KIF13A: variants seen among roughly 807,000 people sequenced by gnomAD.
The protein encoded by KIF13A is kinesin family member 13A, also known as kinesin-like protein KIF13A.
KIF13A carries 79 observed loss-of-function variants against 212.2 expected under a neutral mutation model. The ratio of observed to expected loss-of-function variants is 0.37; its 90% CI spans 0.31 to 0.45. The LOEUF (loss-of-function observed/expected upper bound fraction) is 0.45. Among genes scored for constraint, KIF13A ranks in the 20% least tolerant of loss-of-function variants. KIF13A has a pLI of 1.00. For missense variants in KIF13A, 1,901 were observed against 2,209.0 expected (o/e 0.86, Z 2.79); for synonymous variants, 789 against 808.6 (o/e 0.98, Z 0.41).
chr6:17,799,357 T>G lies in KIF13A; in HGVS notation c.2699A>C (p.Glu900Ala), dbSNP rs755466789. The change falls in exon 22 of 39, where the codon GAG (glutamate) becomes GCG (alanine). Residue 900 changes from glutamate (E) to alanine (A), a missense_variant. Physicochemically the swap from Glu to Ala is moderately radical, Grantham distance 107 (BLOSUM62 -1). Coordinates refer to ENST00000259711, the MANE Select transcript of KIF13A (RefSeq NM_022113.6). This position sits in a 1 kb window ranked among gnomAD's most constrained non-coding sequence, Gnocchi z 4.4. The stretch of plus-strand genomic sequence containing the variant: ...CACCACCGGGGCAGCCACCGTAGAC[T>G]CACACTGGTCCCAGAATGTGTATTG... ...FCQYTFWDQC[E>A]STVAAPVVDP... The G allele has an allele frequency of 1.9e-6, 3 of 1,612,872 alleles. No individual in the cohort carries two copies. The highest frequency in any genetic ancestry group is 2.5e-6 in the Non-Finnish European group (3 of 1,179,358).
Position 17,779,001 on chromosome 6 carries a change from GTA to G in KIF13A, c.4036_4037del (p.Tyr1346HisfsTer14), listed in dbSNP as rs1199242611. 6.2e-7 allele frequency: 1 copy of G among 1,613,284 alleles called. No homozygotes were observed. On this transcript the variant is annotated frameshift_variant, in exon 33 of 39. Transcript: ENST00000259711. LOFTEE classifies it high-confidence loss of function. ...TSDGETYIEK[Y>X]TRGVLQVENI... ...TTTCCACCTGCAGCACGCCTCGAGT[GTA>G]CTTCTCAATGTACGTCTCCCCATCT...
rs73371126 is a variant in KIF13A at position 17,794,922 on chromosome 6, A to T, written c.2943-218T>A. ...AGACTGAAATGTCCACATCTTGAGT[A>T]TAGAGCTCGATGAGTTTTGAGAAAT... is the stretch of plus-strand genomic sequence containing the variant. On this transcript the variant is annotated intron_variant, in intron 23 of 38. Transcript: ENST00000259711. The surrounding 1 kb of genome is among the most constrained non-coding windows in gnomAD (Gnocchi z 4.1). The T allele has an allele frequency of 4.1e-3, 2,036 of 502,620 alleles. 42 individuals carry two copies. Among genetic ancestry groups the T allele is most frequent in the African/African-American group, 0.036 (1,848 of 51,504 alleles). 31.1% of individuals were successfully genotyped at this position (502,620 alleles called of 1,614,324 possible).
intron 30 of KIF13A, 98 bp downstream of exon 30, chr6:17,781,079 C>T (rs1383683270): frequency 5.3e-6 from 8 of 1,506,782 alleles, no homozygotes; most frequent in Non-Finnish European, 7.3e-6. Flanking sequence ...AGTCCCCGGT[C>T]TTTTTCCCCA....
chr6:17,851,189 C>T (rs562972515), intron 7 of KIF13A, among the ~76,000 whole-genome samples: 2 of 152,288 alleles, frequency 1.3e-5, no homozygotes, highest in Non-Finnish European at 2.9e-5. Flanking sequence ...AGAATCGAAA[C>T]CTTTTTAAAA....
At chr6:17,931,446 G>A (rs1466226781) in intron 2 of KIF13A, among the ~76,000 whole-genome samples, 1 of 148,790 alleles carries the variant, frequency 6.7e-6, no homozygotes, top group East Asian at 2.0e-4. Context: ...GCACCATGTA[G>A]TAAAATAAGA....
chr6:17,891,579 G>A (rs1192854905), intron 3 of KIF13A, among the ~76,000 whole-genome samples: 4 of 152,114 alleles, frequency 2.6e-5, no homozygotes, highest in Non-Finnish European at 5.9e-5. Flanking sequence ...GCAACAGAGT[G>A]AGACCTCATC....
rs1772724030 is a variant in KIF13A at position 17,898,088 on chromosome 6, T to C, written c.159+80A>G. 1 of 1,332,552 alleles carries C rather than the reference T, an allele frequency of 7.5e-7. No individual in the cohort carries two copies. Among genetic ancestry groups the C allele is most frequent in the Non-Finnish European group, 1.1e-6 (1 of 940,906 alleles). The allele number at this position is 1,332,552 out of a possible 1,614,324, so 82.5% of individuals were successfully genotyped here. A position where few individuals can be genotyped will look rare whatever the true frequency, so the allele number is the denominator to read the frequency against. ...TTTCAGTTCTCAATGAGACAGATGT[T>C]CTACATGGGTTACAGTGATAAATCC... On this transcript the variant is annotated intron_variant, in intron 3 of 38. Coordinates refer to ENST00000259711, the MANE Select transcript of KIF13A (RefSeq NM_022113.6). The surrounding 1 kb of genome is among the most constrained non-coding windows in gnomAD (Gnocchi z 5.2).
At chr6:17,956,709 C>T (rs1448891328) in intron 2 of KIF13A, among the ~76,000 whole-genome samples, 1 of 152,110 alleles carries the variant, frequency 6.6e-6, no homozygotes, top group Non-Finnish European at 1.5e-5. Context: ...CGACCTTCTC[C>T]TGTCCTCTAA....
chr6:17,957,385 G>A (rs1298088355), intron 2 of KIF13A, among the ~76,000 whole-genome samples: 1 of 152,156 alleles, frequency 6.6e-6, no homozygotes, highest in Non-Finnish European at 1.5e-5. Flanking sequence ...TAGGGATAGG[G>A]ACCCTTGCAG....
chr6:17,798,995 T>C (rs557669184), intron 22 of KIF13A, among the ~76,000 whole-genome samples: 1 of 152,326 alleles, frequency 6.6e-6, no homozygotes, highest in East Asian at 1.9e-4. Flanking sequence ...ATATAAAAGA[T>C]GCAGAGCATA....
intron 7 of KIF13A, among the ~76,000 whole-genome samples, chr6:17,851,201 G>T (rs1297886508): frequency 6.6e-6 from 1 of 152,128 alleles, no homozygotes; most frequent in African/African-American, 2.4e-5. Context: ...TTTTTAAAAT[G>T]ATCACTGTGC....
At chr6:17,948,646 T>C (rs1777611099) in intron 2 of KIF13A, among the ~76,000 whole-genome samples, 1 of 134,816 alleles carries the variant, frequency 7.4e-6, no homozygotes, top group African/African-American at 2.8e-5. Flanking sequence ...CACTGGGACC[T>C]CTGCCTCCAG....
rs1297345170 is a variant in KIF13A at position 17,855,773 on chromosome 6, G to A, written c.314-156C>T. On this transcript the variant is annotated intron_variant, in intron 5 of 38. Coordinates refer to ENST00000259711, the MANE Select transcript of KIF13A (RefSeq NM_022113.6). The surrounding 1 kb of genome is among the most constrained non-coding windows in gnomAD (Gnocchi z 4.1). ...CTGTTGCTCAGGCTGGAGTGCAGTG[G>A]TGTGATCATGGCTCACTACAGTCTC... Among the ~76,000 whole-genome samples, 1 of 152,204 alleles carries A rather than the reference G, an allele frequency of 6.6e-6. No individual in the cohort carries two copies. Among genetic ancestry groups the A allele is most frequent in the Non-Finnish European group, 1.5e-5 (1 of 68,038 alleles).
At chr6:17,797,524 CAG>C (rs1762148841) in intron 22 of KIF13A, among the ~76,000 whole-genome samples, 1 of 152,112 alleles carries the variant, frequency 6.6e-6, no homozygotes. Flanking sequence ...AGAATAATAA[CAG>C]AATTAAATTT....
At chr6:17,940,413 G>T (rs985502120) in intron 2 of KIF13A, among the ~76,000 whole-genome samples, 1 of 152,174 alleles carries the variant, frequency 6.6e-6, no homozygotes, top group African/African-American at 2.4e-5. Context: ...TTAAGTTATG[G>T]AGAAAGCATT....
At chr6:17,975,460 A>C (rs919067316) in intron 2 of KIF13A, among the ~76,000 whole-genome samples, 2 of 152,224 alleles carry the variant, frequency 1.3e-5, no homozygotes, top group African/African-American at 2.4e-5. Context: ...GTGAAGCTAC[A>C]GACCTTCAGC....
intron 2 of KIF13A, among the ~76,000 whole-genome samples, chr6:17,973,209 G>A (rs1173505138): frequency 6.6e-6 from 1 of 152,168 alleles, no homozygotes; most frequent in Non-Finnish European, 1.5e-5. Context: ...TAAAACAGCT[G>A]TATACCTTTA....
At chr6:17,765,942 A>G (rs1278829389) in intron 38 of KIF13A, among the ~76,000 whole-genome samples, 1 of 152,244 alleles carries the variant, frequency 6.6e-6, no homozygotes, top group African/African-American at 2.4e-5. Context: ...ACTTGGAAAT[A>G]GCAATGGTGA....
intron 2 of KIF13A, among the ~76,000 whole-genome samples, chr6:17,959,839 C>A (rs1171521728): frequency 6.6e-6 from 1 of 152,182 alleles, no homozygotes. Flanking sequence ...GACTGACCAA[C>A]ATGGAGAAAC....
Sources: allele counts gnomAD v4.1 joint callset (sites outside exome capture counted in the v4.1 genomes callset), GRCh38; gene constraint gnomAD v4.1.1; non-coding constraint Gnocchi (gnomAD v3.1); transcripts MANE v1.5; gene names NCBI Gene and HGNC (gene_info 2026-07-23, HGNC 2026-07-21).